ANKRD28: variants seen among roughly 807,000 people sequenced by gnomAD.
The protein encoded by ANKRD28 is ankyrin repeat domain 28, also known as serine/threonine-protein phosphatase 6 regulatory ankyrin repeat subunit A.
A neutral mutation model predicts 126.5 loss-of-function variants in ANKRD28; 44 were observed. The observed-to-expected ratio is 0.35, with a 90% CI of 0.27 to 0.45. The LOEUF (loss-of-function observed/expected upper bound fraction) is 0.45. Among genes scored for constraint, ANKRD28 ranks in the 20% least tolerant of loss-of-function variants. The probability of loss-of-function intolerance (pLI) is 1.00; values close to 1 mark genes in which losing one functional copy is unlikely to be tolerated. For missense variants in ANKRD28, 1,110 were observed against 1,316.6 expected, an observed-to-expected ratio of 0.84 and a Z score of 2.43; for synonymous variants, 442 against 468.5, an observed-to-expected ratio of 0.94 and a Z score of 0.73.
At chr3:15,708,161 T>C in intron 13 of ANKRD28, 97 bp from the exon 14 acceptor site, 1 of 1,362,646 alleles carries the variant, frequency 7.3e-7, no homozygotes, top group Non-Finnish European at 1.0e-6. Context: ...TTACAAATAC[T>C]TTATTTACAG....
At chr3:15,827,665 A>G (rs1427269121) in intron 1 of ANKRD28, among the ~76,000 whole-genome samples, 1 of 152,204 alleles carries the variant, frequency 6.6e-6, no homozygotes, top group Non-Finnish European at 1.5e-5. Flanking sequence ...GAAAAGCTTC[A>G]TGACATTGGA....
Position 15,833,781 on chromosome 3 carries a change from C to T in ANKRD28, c.27+25596G>A, listed in dbSNP as rs1416887057. On this transcript the variant is annotated intron_variant, in intron 1 of 27. Transcript: ENST00000399451. The surrounding 1 kb of genome is among the most constrained non-coding windows in gnomAD (Gnocchi z 4.4). ...GTAGGATATAAATAACTCCCACATG[C>T]TTAGTGTTCCAATAATGGAACACTA... 6.6e-6 allele frequency among the ~76,000 whole-genome samples: 1 copy of T among 151,918 alleles called. No individual in the cohort carries two copies. Among genetic ancestry groups the T allele is most frequent in the African/African-American group, 2.4e-5 (1 of 41,388 alleles).
At chr3:15,771,500 A>AG (rs745818059) in intron 2 of ANKRD28, among the ~76,000 whole-genome samples, 2 of 151,974 alleles carry the variant, frequency 1.3e-5, no homozygotes. Flanking sequence ...AAAGGAGAGC[A>AG]GGGGTGTCAC....
intron 22 of ANKRD28, 39 bp from the exon 23 acceptor site, chr3:15,679,423 G>A: frequency 6.2e-7 from 1 of 1,612,170 alleles, no homozygotes; most frequent in Non-Finnish European, 8.5e-7. Context: ...CACAGCAATG[G>A]TGTATTTCTT....
At position 15,670,021 on chromosome 3, in the gene ANKRD28, A is replaced by T; in HGVS notation, c.*249T>A. On this transcript the variant is annotated 3_prime_UTR_variant, in exon 28 of 28. Coordinates refer to ENST00000683139, the MANE Select transcript of ANKRD28 (RefSeq NM_001349278.2). ...GTTCCTGGCACTGCAAAACCAAATT[A>T]AACAATTCCACAAAGAATTCTGACA... is the stretch of plus-strand genomic sequence containing the variant. 2.2e-6 allele frequency: 1 copy of T among 445,504 alleles called. No homozygotes were observed. The highest frequency in any genetic ancestry group is 4.0e-6 in the Non-Finnish European group (1 of 248,844). The allele number at this position is 445,504 out of a possible 1,614,324, so 27.6% of individuals were successfully genotyped here. A position where few individuals can be genotyped will look rare whatever the true frequency, so the allele number is the denominator to read the frequency against.
At chr3:15,693,037 G>C (rs541093183) in intron 17 of ANKRD28, among the ~76,000 whole-genome samples, 4 of 152,268 alleles carry the variant, frequency 2.6e-5, no homozygotes, top group African/African-American at 9.6e-5. Flanking sequence ...CTTAAATGAG[G>C]TGTCTAGATT....
rs554951910 is a variant in ANKRD28, at chr3:15,839,630, T to C, written c.27+19747A>G. ...GATAGGCCAATATCACTGAGTAATA[T>C]TGACTCAAAAAATCCTCAACAAAAT... On this transcript the variant is annotated intron_variant, in intron 1 of 27. Coordinates refer to the ANKRD28 transcript ENST00000399451. The surrounding 1 kb of genome is among the most constrained non-coding windows in gnomAD (Gnocchi z 4.3). Among the ~76,000 whole-genome samples, 44 of 151,742 alleles carry C rather than the reference T, an allele frequency of 2.9e-4. No homozygotes were observed. The highest frequency in any genetic ancestry group is 5.3e-4 in the Non-Finnish European group (36 of 67,874).
rs1412137687 is a variant in ANKRD28, at chr3:15,843,702, A to T, written c.27+15675T>A. Among the ~76,000 whole-genome samples the T allele has an allele frequency of 6.6e-6, 1 of 152,174 alleles. No individual in the cohort carries two copies. Among genetic ancestry groups the T allele is most frequent in the East Asian group, 1.9e-4 (1 of 5,200 alleles). On this transcript the variant is annotated intron_variant, in intron 1 of 27. Coordinates refer to the ANKRD28 transcript ENST00000399451. The surrounding 1 kb of genome is among the most constrained non-coding windows in gnomAD (Gnocchi z 5.2). ...AAAAAAATGAATACAAATAAGAGAT[A>T]AACAATACATCTAAATTTCAGATAA...
intron 1 of ANKRD28, among the ~76,000 whole-genome samples, chr3:15,852,320 T>C (rs958528555): frequency 6.6e-6 from 1 of 152,228 alleles, no homozygotes; most frequent in African/African-American, 2.4e-5. Context: ...TGTATTTCTT[T>C]AGTATTTTTG....
At chr3:15,835,774 C>T (rs1327181766) in intron 1 of ANKRD28, among the ~76,000 whole-genome samples, 1 of 152,108 alleles carries the variant, frequency 6.6e-6, no homozygotes, top group Non-Finnish European at 1.5e-5. Context: ...AGTAAACTGG[C>T]TAACTCTAAA....
chr3:15,810,399 T>C (rs4685261), intron 1 of ANKRD28, among the ~76,000 whole-genome samples: 101,918 of 151,950 alleles, frequency 0.67, 34,695 homozygotes, highest in East Asian at 0.91. Flanking sequence ...AATTTACATA[T>C]CAAGATTTCA....
intron 27 of ANKRD28, among the ~76,000 whole-genome samples, chr3:15,671,828 G>C (rs2066396599): frequency 6.6e-6 from 1 of 151,654 alleles, no homozygotes; most frequent in African/African-American, 2.4e-5. Flanking sequence ...CAAGTGATCT[G>C]CCTGCCTCGG....
intron 17 of ANKRD28, 61 bp downstream of exon 17, chr3:15,694,678 G>A (rs1444734870): frequency 2.1e-6 from 3 of 1,429,950 alleles, no homozygotes; most frequent in South Asian, 2.3e-5. Context: ...AACACAAATA[G>A]GTTATTAGAT....
intron 4 of ANKRD28, among the ~76,000 whole-genome samples, chr3:15,742,411 C>T (rs538079169): frequency 6.3e-4 from 93 of 148,034 alleles, no homozygotes; most frequent in African/African-American, 2.2e-3. Context: ...ATGTGAGAAG[C>T]GCCTCTACCT....
intron 1 of ANKRD28, among the ~76,000 whole-genome samples, chr3:15,805,262 T>C (rs2060553461): frequency 6.6e-6 from 1 of 152,182 alleles, no homozygotes; most frequent in Non-Finnish European, 1.5e-5. Flanking sequence ...GGAGAAAAAC[T>C]ACTCTGTTAG....
At chr3:15,772,820 G>A (rs1330204864) in intron 2 of ANKRD28, among the ~76,000 whole-genome samples, 1 of 152,188 alleles carries the variant, frequency 6.6e-6, no homozygotes, top group East Asian at 1.9e-4. Flanking sequence ...CTGAGTAGCT[G>A]AGATTACAGG....
At position 15,737,134 on chromosome 3, in the gene ANKRD28, T is replaced by G. The variant is rs1203997090; in HGVS notation, c.451A>C (p.Lys151Gln). Residue 151 changes from lysine to glutamine, a missense_variant, in exon 5 of 28, where the codon AAG (lysine) becomes CAG (glutamine). Physicochemically the swap from Lys to Gln is moderately conservative, Grantham distance 53. Coordinates refer to ENST00000683139, the MANE Select transcript of ANKRD28 (RefSeq NM_001349278.2). Reference sequence around the variant, plus strand: ...AGAGGTACCAAAGCTTCAGCACACTTTACAGCTTTATTAGCAGCAGCTATA... The same window carrying G: ...AGAGGTACCAAAGCTTCAGCACACTGTACAGCTTTATTAGCAGCAGCTATA... ...LHIAAANKAV[K>Q]CAEALVPLLS... is the part of the protein sequence containing the mutation. 3 of 1,613,992 alleles carry G rather than the reference T, an allele frequency of 1.9e-6. No individual in the cohort carries two copies. The highest frequency in any genetic ancestry group is 2.5e-6 in the Non-Finnish European group (3 of 1,179,886).
chr3:15,707,225 T>C (rs1167957503), intron 14 of ANKRD28, among the ~76,000 whole-genome samples: 1 of 151,054 alleles, frequency 6.6e-6, no homozygotes, highest in Non-Finnish European at 1.5e-5. Context: ...GAAAATCTTT[T>C]CTGTTTTCAA....
chr3:15,835,140 T>C (rs1476704450), intron 1 of ANKRD28, among the ~76,000 whole-genome samples: 1 of 151,822 alleles, frequency 6.6e-6, no homozygotes. Flanking sequence ...AGAGCAAGAC[T>C]CTGTATCAAA....
Sources: allele counts gnomAD v4.1 joint callset (sites outside exome capture counted in the v4.1 genomes callset), GRCh38; gene constraint gnomAD v4.1.1; non-coding constraint Gnocchi (gnomAD v3.1); transcripts MANE v1.5; gene names NCBI Gene and HGNC (gene_info 2026-07-23, HGNC 2026-07-21).